PARVB: variants seen among roughly 807,000 people sequenced by gnomAD.
PARVB encodes the protein parvin beta.
Under a neutral mutation model 47.0 loss-of-function variants are expected in PARVB, and 46 were observed. The ratio of observed to expected loss-of-function variants is 0.98; its 90% CI spans 0.77 to 1.25. PARVB has a LOEUF of 1.25. Ranked by LOEUF, PARVB falls within the 50% of genes most tolerant of loss-of-function variation. The pLI, the probability that PARVB is intolerant of heterozygous loss-of-function variation, is 0.00. For missense variants in PARVB, 473 were observed against 471.6 expected (o/e 1.00, Z -0.03); for synonymous variants, 196 against 196.3 (o/e 1.00, Z 0.01).
upstream of PARVB, among the ~76,000 whole-genome samples, chr22:44,023,347 C>CT (rs2050673633): frequency 6.6e-6 from 1 of 151,706 alleles, no homozygotes; most frequent in Non-Finnish European, 1.5e-5. Context: ...CGCATCTCTA[C>CT]TAAAAATACA....
intron 1 of PARVB, among the ~76,000 whole-genome samples, chr22:44,058,549 AT>A (rs35947294): frequency 0.22 from 21,060 of 95,654 alleles, 1,081 homozygotes; most frequent in South Asian, 0.24. Context: ...GTGGACGTGG[AT>A]TTTTTTTTTT....
intron 1 of PARVB, among the ~76,000 whole-genome samples, chr22:44,085,524 G>A (rs10427639): frequency 0.088 from 13,376 of 152,030 alleles, 1,954 homozygotes; most frequent in African/African-American, 0.31. Context: ...CGCTGGTCTC[G>A]AACTCCTGAG....
chr22:44,033,337 C>T (rs183664064), intron 1 of PARVB, among the ~76,000 whole-genome samples: 186 of 152,292 alleles, frequency 1.2e-3, no homozygotes, highest in African/African-American at 4.3e-3. Context: ...CCACCACTCC[C>T]GGCCCCCAAT....
intron 7 of PARVB, 128 bp downstream of exon 7, chr22:44,136,646 C>G (rs1054814293): frequency 2.7e-6 from 2 of 743,416 alleles, no homozygotes. Context: ...TTCTCTGTAG[C>G]ATGTGATTCT....
chr22:44,122,520 CAGAGAGACAG>C (rs1569134273), intron 4 of PARVB, among the ~76,000 whole-genome samples: 2,763 of 49,888 alleles, frequency 0.055, 271 homozygotes, highest in African/African-American at 0.17. Context: ...GAGAGAGAGA[CAGAGAGACAG>C]AGAGAGAGAG....
intron 1 of PARVB, chr22:44,039,958 G>A (rs1221032882): frequency 2.4e-6 from 1 of 424,140 alleles, no homozygotes; most frequent in South Asian, 1.7e-5. Context: ...AGGACCACAG[G>A]TGTGTACCAC....
At chr22:44,097,915 G>A (rs1011482622) in intron 2 of PARVB, among the ~76,000 whole-genome samples, 2 of 152,140 alleles carry the variant, frequency 1.3e-5, no homozygotes, top group African/African-American at 4.8e-5. Context: ...TGGTCCCGCC[G>A]ACTGAGGCAG....
intron 10 of PARVB, among the ~76,000 whole-genome samples, chr22:44,156,405 G>A (rs979385567): frequency 1.3e-5 from 2 of 148,632 alleles, no homozygotes; most frequent in African/African-American, 5.0e-5. Context: ...TCAACCTCCC[G>A]AGTAGCTGGG....
At chr22:44,092,819 C>T (rs1408466390) in intron 1 of PARVB, among the ~76,000 whole-genome samples, 1 of 152,234 alleles carries the variant, frequency 6.6e-6, no homozygotes, top group Non-Finnish European at 1.5e-5. Flanking sequence ...TGCCACACCC[C>T]CTTGCTGTTC....
intron 3 of PARVB, among the ~76,000 whole-genome samples, chr22:44,117,406 C>T (rs1601630036): frequency 1.3e-5 from 2 of 152,044 alleles, no homozygotes; most frequent in South Asian, 4.2e-4. Context: ...GGAGGCAGCT[C>T]TTTGGGAACT....
intron 1 of PARVB, among the ~76,000 whole-genome samples, chr22:44,064,024 G>T (rs2051470928): frequency 6.6e-6 from 1 of 152,230 alleles, no homozygotes; most frequent in Non-Finnish European, 1.5e-5. Flanking sequence ...TGTGTGGTCA[G>T]TGGCGCCTTC....
At chr22:44,098,104 G>A (rs954992023) in intron 2 of PARVB, among the ~76,000 whole-genome samples, 1 of 152,146 alleles carries the variant, frequency 6.6e-6, no homozygotes, top group African/African-American at 2.4e-5. Flanking sequence ...CAAGGTGTGG[G>A]GACATGCTAG....
intron 2 of PARVB, among the ~76,000 whole-genome samples, chr22:44,006,977 C>G (rs1047674474): frequency 6.6e-5 from 10 of 152,190 alleles, no homozygotes; most frequent in African/African-American, 2.4e-4. Context: ...AGGAGGGGAG[C>G]CCCAGATCAG....
At chr22:44,057,434 A>T (rs992588347) in intron 1 of PARVB, among the ~76,000 whole-genome samples, 3 of 152,128 alleles carry the variant, frequency 2.0e-5, no homozygotes, top group African/African-American at 7.2e-5. Context: ...GAAGAGGCTC[A>T]TGCTGGATTT....
chr22:44,075,995 A>ACGGC (rs757496346), intron 1 of PARVB, among the ~76,000 whole-genome samples: 1 of 152,214 alleles, frequency 6.6e-6, no homozygotes, highest in African/African-American at 2.4e-5. Flanking sequence ...GTCTAAACTG[A>ACGGC]TGGCCGTGGG....
At chr22:44,029,730 T>C (rs920858968) in intron 1 of PARVB, among the ~76,000 whole-genome samples, 1 of 151,522 alleles carries the variant, frequency 6.6e-6, no homozygotes, top group Admixed American at 6.6e-5. Context: ...GCCAACGTGG[T>C]GAAACCCCAT....
rs1383749402 is a variant in PARVB at position 44,155,298 on chromosome 22, G to A, written c.844-2684G>A. On this transcript the variant is annotated intron_variant, in intron 10 of 12. Transcript: ENST00000338758. This position sits in a 1 kb window ranked among gnomAD's most constrained non-coding sequence, Gnocchi z 4.8. ...CAGGGGTTAGCACTGCGGATGAGGA[G>A]GCGGTGGTGGGGCCTCTGGGCCTCC... is the stretch of plus-strand genomic sequence containing the variant. 1.3e-5 allele frequency among the ~76,000 whole-genome samples: 2 copies of A among 152,166 alleles called. No homozygotes were observed. The highest frequency in any genetic ancestry group is 3.9e-4 in the East Asian group (2 of 5,184).
At chr22:44,085,652 G>A (rs2052007690) in intron 1 of PARVB, among the ~76,000 whole-genome samples, 1 of 152,216 alleles carries the variant, frequency 6.6e-6, no homozygotes, top group African/African-American at 2.4e-5. Context: ...GCTATGTATT[G>A]CACTTAATTA....
chr22:43,999,923 C>T (rs929038788), intron 2 of PARVB, among the ~76,000 whole-genome samples: 4 of 150,238 alleles, frequency 2.7e-5, no homozygotes, highest in African/African-American at 9.8e-5. Flanking sequence ...GGGAGGATCA[C>T]TTGAGCCCAG....
Sources: allele counts gnomAD v4.1 joint callset (sites outside exome capture counted in the v4.1 genomes callset), GRCh38; gene constraint gnomAD v4.1.1; non-coding constraint Gnocchi (gnomAD v3.1); transcripts MANE v1.5; gene names NCBI Gene and HGNC (gene_info 2026-07-23, HGNC 2026-07-21).